The following KCNMA1 variants were observed in gnomAD, a reference collection of about 807,000 sequenced individuals.
KCNMA1 encodes potassium calcium-activated channel subfamily M alpha 1, also known as Calcium-activated potassium channel subunit alpha-1.
In KCNMA1, 29 loss-of-function variants were observed where a neutral mutation model predicts 140.0. That is an observed-to-expected ratio of 0.21 (90% CI 0.15 to 0.28). The LOEUF is 0.28. Ranked by LOEUF, KCNMA1 falls within the 10% of genes least tolerant of loss-of-function variation. KCNMA1 has a pLI of 1.00. For synonymous variants in KCNMA1, 612 were observed against 611.9 expected, an observed-to-expected ratio of 1.00 and a Z score of 0.00; for missense variants, 880 against 1,602.2, an observed-to-expected ratio of 0.55 and a Z score of 7.70.
chr10:77,041,156 T>A (rs4625398), intron 14 of KCNMA1, among the ~76,000 whole-genome samples: 53 of 296 alleles, frequency 0.18, 17 homozygotes, highest in African/African-American at 0.5. Context: ...TAATTCTTTT[T>A]TTTTTTTTTT....
chr10:77,028,547 C>T (rs1396339299), intron 15 of KCNMA1, among the ~76,000 whole-genome samples: 4 of 152,056 alleles, frequency 2.6e-5, no homozygotes, highest in Admixed American at 2.6e-4. Context: ...CCAACCCATC[C>T]TCACAGGCCA....
intron 13 of KCNMA1, among the ~76,000 whole-genome samples, chr10:77,074,011 G>A (rs2096300978): frequency 6.6e-6 from 1 of 152,064 alleles, no homozygotes; most frequent in South Asian, 2.1e-4. Context: ...AAAATACATT[G>A]GATGAAAGAA....
At chr10:77,281,884 G>A (rs190080215) in intron 2 of KCNMA1, among the ~76,000 whole-genome samples, 2 of 152,286 alleles carry the variant, frequency 1.3e-5, no homozygotes, top group East Asian at 3.9e-4. Context: ...TAGATTAGTG[G>A]TTTCCTACAG....
chr10:77,338,416 C>G (rs569982160), intron 2 of KCNMA1, among the ~76,000 whole-genome samples: 2 of 152,168 alleles, frequency 1.3e-5, no homozygotes, highest in Admixed American at 6.5e-5. Flanking sequence ...TCTCTTTGCC[C>G]GGGATGGCTC....
intron 18 of KCNMA1, among the ~76,000 whole-genome samples, chr10:77,007,653 G>GTGTGTGTGTGTATATATATATA: frequency 4.5e-5 from 4 of 88,464 alleles, no homozygotes; most frequent in African/African-American, 1.4e-4. Flanking sequence ...TTGTGTGTGT[G>GTGTGTGTGTGTATATATATATA]TATATATATA....
chr10:76,942,220 G>A (rs2062687946), intron 23 of KCNMA1, among the ~76,000 whole-genome samples: 1 of 152,086 alleles, frequency 6.6e-6, no homozygotes, highest in South Asian at 2.1e-4. Context: ...TGATCCACCC[G>A]CCTTAGCCTC....
intron 1 of KCNMA1, chr10:77,635,746 C>A (rs1206057102): frequency 6.6e-6 from 1 of 152,290 alleles, no homozygotes; most frequent in Non-Finnish European, 1.5e-5. Context: ...ACTCTCCGAC[C>A]AGCACCTGCA....
chr10:77,216,119 G>A (rs1424331422), intron 3 of KCNMA1, among the ~76,000 whole-genome samples: 1 of 152,146 alleles, frequency 6.6e-6, no homozygotes, highest in African/African-American at 2.4e-5. Flanking sequence ...TATATGAAAT[G>A]TCTAGAACAG....
At chr10:76,958,936 G>A in intron 20 of KCNMA1, among the ~76,000 whole-genome samples, 1 of 152,064 alleles carries the variant, frequency 6.6e-6, no homozygotes, top group South Asian at 2.1e-4. Flanking sequence ...TTAGCTGAAG[G>A]CCCCCGGCTG....
Position 76,886,034 on chromosome 10 carries a change from C to T in KCNMA1, c.*1232G>A. 1.0e-6 allele frequency: 1 copy of T among 985,408 alleles called. No homozygotes were observed. 61.0% of individuals were successfully genotyped at this position (985,408 alleles called of 1,614,324 possible). The stretch of plus-strand genomic sequence containing the variant: ...CACCAGCTTTCTGCATTGGGACAGC[C>T]AGCACCGCACAGCTGTGCCAACAGT... On this transcript the variant is annotated 3_prime_UTR_variant, in exon 28 of 28. Transcript: ENST00000286628.
intron 1 of KCNMA1, among the ~76,000 whole-genome samples, chr10:77,557,544 C>G (rs912735700): frequency 6.6e-6 from 1 of 151,856 alleles, no homozygotes; most frequent in African/African-American, 2.4e-5. Context: ...CAGAAATGAA[C>G]AGAGGATATA....
intron 22 of KCNMA1, among the ~76,000 whole-genome samples, chr10:76,947,992 G>T (rs1266201683): frequency 1.9e-4 from 2 of 10,462 alleles, no homozygotes; most frequent in African/African-American, 4.4e-4. Context: ...ATGTTCCTCA[G>T]TTGTTTCTTG....
chr10:77,609,493 G>A (rs933360011), intron 1 of KCNMA1, among the ~76,000 whole-genome samples: 2 of 152,118 alleles, frequency 1.3e-5, no homozygotes, highest in African/African-American at 4.8e-5. Context: ...TAAACAGGAG[G>A]AATAAATTCA....
chr10:76,922,037 T>C (rs72803352), intron 23 of KCNMA1, among the ~76,000 whole-genome samples: 1,770 of 152,208 alleles, frequency 0.012, 15 homozygotes, highest in Non-Finnish European at 0.018. Context: ...TGGAGGTCAG[T>C]GTCAAGGAGG....
At chr10:77,569,970 A>C (rs1428144169) in intron 1 of KCNMA1, among the ~76,000 whole-genome samples, 3 of 152,206 alleles carry the variant, frequency 2.0e-5, no homozygotes, top group Non-Finnish European at 2.9e-5. Flanking sequence ...TATGCAGCCA[A>C]AAAACACACG....
chr10:77,432,177 C>G (rs1192931307), intron 1 of KCNMA1, among the ~76,000 whole-genome samples: 1 of 152,206 alleles, frequency 6.6e-6, no homozygotes, highest in African/African-American at 2.4e-5. Flanking sequence ...TAAAGTAGTG[C>G]TTAATGAGAG....
chr10:77,448,172 C>T (rs2097563474), intron 1 of KCNMA1, among the ~76,000 whole-genome samples: 1 of 152,186 alleles, frequency 6.6e-6, no homozygotes, highest in Non-Finnish European at 1.5e-5. Flanking sequence ...GACAACCTTG[C>T]ACCAGGACAC....
intron 1 of KCNMA1, among the ~76,000 whole-genome samples, chr10:77,617,035 C>A (rs1026402241): frequency 3.8e-4 from 58 of 152,248 alleles, no homozygotes; most frequent in African/African-American, 1.4e-3. Context: ...AGACGTTGCT[C>A]ATTGAGACAT....
At chr10:77,033,614 T>C (rs1449602417) in intron 15 of KCNMA1, among the ~76,000 whole-genome samples, 1 of 152,154 alleles carries the variant, frequency 6.6e-6, no homozygotes, top group African/African-American at 2.4e-5. Context: ...AAACATAATA[T>C]GAAAGAAAAA....
Sources: gnomAD v4.1 joint callset for allele counts (sites outside exome capture counted in the v4.1 genomes callset) on GRCh38, gnomAD v4.1.1 for gene constraint, MANE v1.5 for transcripts, NCBI Gene and HGNC (gene_info 2026-07-23, HGNC 2026-07-21) for gene names.